Variants in MTUS2 observed in about 807,000 individuals in gnomAD.
MTUS2 encodes microtubule associated scaffold protein 2.
Under a neutral mutation model 114.1 loss-of-function variants are expected in MTUS2, and 40 were observed. The ratio of observed to expected loss-of-function variants is 0.35; its 90% confidence interval spans 0.27 to 0.46. The LOEUF (loss-of-function observed/expected upper bound fraction) is 0.46. Among genes scored for constraint, MTUS2 ranks in the 20% least tolerant of loss-of-function variants. MTUS2 has a pLI of 1.00. For synonymous variants in MTUS2, 688 were observed against 672.0 expected, an observed-to-expected ratio of 1.02 and a Z score of -0.37; for missense variants, 1,679 against 1,705.4, an observed-to-expected ratio of 0.98 and a Z score of 0.27.
intron 2 of MTUS2, among the ~76,000 whole-genome samples, chr13:28,999,895 A>T (rs1461177165): frequency 6.6e-6 from 1 of 152,210 alleles, no homozygotes; most frequent in Non-Finnish European, 1.5e-5. Flanking sequence ...TGTTTGGCTT[A>T]CTTCACTTAA....
chr13:28,919,119 A>G (rs1359916183), intron 2 of MTUS2, among the ~76,000 whole-genome samples: 1 of 152,076 alleles, frequency 6.6e-6, no homozygotes, highest in Non-Finnish European at 1.5e-5. Flanking sequence ...GCACACTTAG[A>G]GTGTTAAAAT....
chr13:28,877,769 C>G (rs555648046), intron 2 of MTUS2, among the ~76,000 whole-genome samples: 304 of 152,250 alleles, frequency 2.0e-3, no homozygotes, highest in African/African-American at 6.9e-3. Context: ...ATGCCATAAT[C>G]TGTAATTAAA....
chr13:28,993,055 A>G (rs527524242), intron 2 of MTUS2, among the ~76,000 whole-genome samples: 1 of 152,272 alleles, frequency 6.6e-6, no homozygotes, highest in South Asian at 2.1e-4. Flanking sequence ...ATGTTGCAGG[A>G]TGTGTCAGAA....
At chr13:29,439,452 T>C (rs1877666517) in intron 8 of MTUS2, among the ~76,000 whole-genome samples, 1 of 152,206 alleles carries the variant, frequency 6.6e-6, no homozygotes, top group South Asian at 2.1e-4. Flanking sequence ...TTAAATATTG[T>C]TGTTGGTGGT....
intron 6 of MTUS2, among the ~76,000 whole-genome samples, chr13:29,312,083 C>A (rs1264646661): frequency 6.6e-6 from 1 of 152,166 alleles, no homozygotes; most frequent in Non-Finnish European, 1.5e-5. Flanking sequence ...AGCGCCCTTG[C>A]CCTCTTGACA....
At chr13:29,223,204 G>C (rs553781510) in intron 5 of MTUS2, among the ~76,000 whole-genome samples, 1 of 152,222 alleles carries the variant, frequency 6.6e-6, no homozygotes, top group Non-Finnish European at 1.5e-5. Flanking sequence ...AACTTACGGT[G>C]CTTTCTTTGG....
chr13:29,467,276 G>C (rs1261562463), intron 9 of MTUS2, among the ~76,000 whole-genome samples: 1 of 152,088 alleles, frequency 6.6e-6, no homozygotes, highest in Non-Finnish European at 1.5e-5. Context: ...TTTCTAAAAG[G>C]GATGTTCAAC....
chr13:29,234,564 A>G (rs996015951), intron 5 of MTUS2, among the ~76,000 whole-genome samples: 3 of 152,210 alleles, frequency 2.0e-5, no homozygotes, highest in Middle Eastern at 3.2e-3. Flanking sequence ...AAATGAGGTC[A>G]AGCCTGATTT....
At chr13:28,949,896 T>C (rs767205057) in intron 2 of MTUS2, among the ~76,000 whole-genome samples, 11 of 152,284 alleles carry the variant, frequency 7.2e-5, no homozygotes, top group Non-Finnish European at 1.6e-4. Context: ...TTGTGACTAA[T>C]GCTGCTGTGA....
At position 29,148,669 on chromosome 13, in the gene MTUS2, G is replaced by A. The variant is rs1438754060; in HGVS notation, c.2644+47699G>A. 2.6e-5 allele frequency among the ~76,000 whole-genome samples: 3 copies of A among 113,334 alleles called. 1 individual carries two copies. The highest frequency in any genetic ancestry group is 7.9e-3 in the Middle Eastern group (2 of 254). The allele number at this position is 113,334 out of a possible 152,430, so 74.4% of individuals were successfully genotyped here. On this transcript the variant is annotated intron_variant, in intron 5 of 15. Coordinates refer to ENST00000612955, the MANE Select transcript of MTUS2 (RefSeq NM_001033602.4). ...AATTTTTTGTATTTTTAGTAGAGAC[G>A]GGGTTTCACCGTTTTAGCCGGGATG...
At chr13:28,886,470 G>A (rs1181726098) in intron 2 of MTUS2, among the ~76,000 whole-genome samples, 1 of 152,132 alleles carries the variant, frequency 6.6e-6, no homozygotes, top group Non-Finnish European at 1.5e-5. Context: ...TGATGGATTA[G>A]CTATGAGGTA....
At chr13:29,262,781 A>G in intron 5 of MTUS2, among the ~76,000 whole-genome samples, 1 of 152,114 alleles carries the variant, frequency 6.6e-6, no homozygotes, top group East Asian at 1.9e-4. Context: ...TGACTTGAAG[A>G]TATTTCCATA....
intron 2 of MTUS2, among the ~76,000 whole-genome samples, chr13:29,017,078 C>A (rs550632049): frequency 1.3e-5 from 2 of 152,300 alleles, no homozygotes; most frequent in East Asian, 1.9e-4. Flanking sequence ...AGGAGACTTT[C>A]AGATGAATAC....
intron 2 of MTUS2, among the ~76,000 whole-genome samples, chr13:28,954,248 G>A (rs2138186671): frequency 6.6e-6 from 1 of 152,184 alleles, no homozygotes; most frequent in Non-Finnish European, 1.5e-5. Context: ...TTTCTCAGTG[G>A]CGGCTCATTT....
chr13:28,924,082 A>G (rs1024729679), intron 2 of MTUS2, among the ~76,000 whole-genome samples: 1 of 152,086 alleles, frequency 6.6e-6, no homozygotes, highest in Non-Finnish European at 1.5e-5. Context: ...AGTTTGATTC[A>G]GGGGAGGAAT....
chr13:29,398,765 A>G (rs1249956287), intron 8 of MTUS2, among the ~76,000 whole-genome samples: 1 of 152,152 alleles, frequency 6.6e-6, no homozygotes, highest in South Asian at 2.1e-4. Flanking sequence ...CACAAAACAC[A>G]CACACAACCC....
intron 5 of MTUS2, among the ~76,000 whole-genome samples, chr13:29,278,224 C>T (rs1462992023): frequency 6.6e-6 from 1 of 152,122 alleles, no homozygotes; most frequent in Non-Finnish European, 1.5e-5. Flanking sequence ...CATAGGAGAA[C>T]ATCTTTATGA....
chr13:28,865,431 A>T (rs1471613869), intron 2 of MTUS2, among the ~76,000 whole-genome samples: 1 of 152,212 alleles, frequency 6.6e-6, no homozygotes, highest in Non-Finnish European at 1.5e-5. Flanking sequence ...TAAAGTGATA[A>T]AACACCCAGA....
At chr13:29,335,504 A>G (rs1203398292) in intron 7 of MTUS2, among the ~76,000 whole-genome samples, 2 of 152,066 alleles carry the variant, frequency 1.3e-5, no homozygotes, top group African/African-American at 4.8e-5. Context: ...TGTGACCCAC[A>G]CCCTATTCGT....
Sources: gnomAD v4.1 joint callset for allele counts (sites outside exome capture counted in the v4.1 genomes callset) on GRCh38, gnomAD v4.1.1 for gene constraint, MANE v1.5 for transcripts, NCBI Gene and HGNC (gene_info 2026-07-23, HGNC 2026-07-21) for gene names.